Variants in PPEF2 observed in about 807,000 individuals in gnomAD.
PPEF2 encodes protein phosphatase with EF-hand domain 2, also known as serine/threonine-protein phosphatase with EF-hands 2.
A neutral mutation model predicts 84.7 loss-of-function variants in PPEF2; 84 were observed. The observed-to-expected ratio is 0.99, with a 90% confidence interval of 0.83 to 1.19. The LOEUF (loss-of-function observed/expected upper bound fraction) is 1.19. PPEF2 is among the 50% of genes most tolerant of loss of function. The pLI, the probability that PPEF2 is intolerant of heterozygous loss-of-function variation, is 0.00. For synonymous variants in PPEF2, 346 were observed against 345.2 expected (o/e 1.00, Z -0.03); for missense variants, 924 against 937.5 (o/e 0.99, Z 0.19).
At chr4:75,878,329 G>A (rs1290748282) in intron 10 of PPEF2, among the ~76,000 whole-genome samples, 4 of 152,224 alleles carry the variant, frequency 2.6e-5, no homozygotes, top group Non-Finnish European at 5.9e-5. Flanking sequence ...AAAAGAGAGA[G>A]CAGCCATTCC....
intron 1 of PPEF2, among the ~76,000 whole-genome samples, chr4:75,898,127 C>CT (rs1264603239): frequency 1.3e-5 from 2 of 152,238 alleles, no homozygotes; most frequent in Non-Finnish European, 1.5e-5. Context: ...ATCACTCATG[C>CT]TATTGTTTGT....
At chr4:75,901,625 G>T (rs1725122654) in intron 1 of PPEF2, among the ~76,000 whole-genome samples, 2 of 152,150 alleles carry the variant, frequency 1.3e-5, no homozygotes, top group African/African-American at 2.4e-5. Context: ...AAACGAGCTT[G>T]AGGGAGCCCG....
chr4:75,890,488 C>CAAAAAAAAAAAAA (rs10710879), intron 4 of PPEF2, among the ~76,000 whole-genome samples: 2 of 124,598 alleles, frequency 1.6e-5, no homozygotes, highest in Non-Finnish European at 3.4e-5. Context: ...GACCCTGTCT[C>CAAAAAAAAAAAAA]AAAAAAAAAA....
At chr4:75,892,840 T>C (rs985669093) in intron 2 of PPEF2, among the ~76,000 whole-genome samples, 1 of 152,230 alleles carries the variant, frequency 6.6e-6, no homozygotes, top group African/African-American at 2.4e-5. Context: ...AGATTCTTTT[T>C]AAGCTCCAAG....
Position 75,888,252 on chromosome 4 carries a change from C to G in PPEF2, c.494G>C (p.Arg165Pro), listed in dbSNP as rs776230192. Residue 165 changes from arginine (R) to proline (P), a missense_variant, in exon 6 of 17, where the codon CGG becomes CCG. Transcript: ENST00000286719. ...CTCCTCACTGTAACAGGTTGAGACCCGGTTGATGTTTGGCAGCTGTACCAG... is the reference window on the plus strand; with the variant it reads ...CTCCTCACTGTAACAGGTTGAGACCGGGTTGATGTTTGGCAGCTGTACCAG... Reference protein sequence around the residue: ...KHLVQLPNINRVSTCYSEEIT... With the variant: ...KHLVQLPNINPVSTCYSEEIT... 6.2e-7 allele frequency: 1 copy of G among 1,613,834 alleles called. No homozygotes were observed. The highest frequency in any genetic ancestry group is 2.2e-5 in the East Asian group (1 of 44,894).
At chr4:75,873,422 A>C in intron 11 of PPEF2, 110 bp from the exon 12 acceptor site, 1 of 1,034,000 alleles carries the variant, frequency 9.7e-7, no homozygotes, top group Admixed American at 2.9e-5. Context: ...AAAATAAGTG[A>C]ATAAATGTCC....
intron 1 of PPEF2, among the ~76,000 whole-genome samples, chr4:75,898,960 TCTATCTAACTG>T (rs1725065427): frequency 6.6e-6 from 1 of 152,194 alleles, no homozygotes; most frequent in South Asian, 2.1e-4. Flanking sequence ...ACTTATTCCT[TCTATCTAACTG>T]TAACATTGTA....
At chr4:75,880,272 T>C (rs185198073) in intron 10 of PPEF2, among the ~76,000 whole-genome samples, 2 of 152,316 alleles carry the variant, frequency 1.3e-5, no homozygotes, top group Admixed American at 6.5e-5. Context: ...TTAACCACCA[T>C]ACCACTCCTA....
intron 10 of PPEF2, chr4:75,881,410 T>A (rs560101261): frequency 6.6e-6 from 1 of 152,108 alleles, no homozygotes; most frequent in Non-Finnish European, 1.5e-5. Flanking sequence ...CTACAAATAA[T>A]TTTTTAAAAA....
At position 75,888,089 on chromosome 4, in the gene PPEF2, T is replaced by C. The variant is rs370095820; in HGVS notation, c.532+125A>G. ...GGAGTGAATATGCAAATTGTGGACC[T>C]GAAGGGGTTAAATTTGGCTTATCAT... On this transcript the variant is annotated intron_variant, in intron 6 of 16. Coordinates refer to ENST00000286719, the MANE Select transcript of PPEF2 (RefSeq NM_006239.3). The C allele has an allele frequency of 1.4e-4, 98 of 712,422 alleles. 1 individual carries two copies. The East Asian group carries it at 1.9e-3, about 14-fold the overall frequency. 44.1% of individuals were successfully genotyped at this position (712,422 alleles called of 1,614,324 possible). A position where few individuals can be genotyped will look rare whatever the true frequency, so the allele number is the denominator to read the frequency against.
intron 16 of PPEF2, among the ~76,000 whole-genome samples, chr4:75,862,712 A>G (rs1724036638): frequency 6.6e-6 from 1 of 152,220 alleles, no homozygotes; most frequent in South Asian, 2.1e-4. Context: ...CAATATAAAT[A>G]TGTACAGCTA....
At chr4:75,890,417 A>T (rs986988378) in intron 4 of PPEF2, among the ~76,000 whole-genome samples, 3 of 149,376 alleles carry the variant, frequency 2.0e-5, no homozygotes, top group Non-Finnish European at 4.4e-5. Context: ...TAAGCCTGGG[A>T]TGCAGAGGTT....
Position 75,896,450 on chromosome 4 carries a change from T to C in PPEF2, c.-58-67A>G, listed in dbSNP as rs996044676. The C allele has an allele frequency of 6.0e-5, 59 of 984,954 alleles. 1 individual carries two copies. Among genetic ancestry groups the C allele is most frequent in the African/African-American group, 3.3e-4 (21 of 62,810 alleles). 61.0% of individuals were successfully genotyped at this position (984,954 alleles called of 1,614,324 possible). On this transcript the variant is annotated intron_variant, in intron 1 of 16. Coordinates refer to ENST00000286719, the MANE Select transcript of PPEF2 (RefSeq NM_006239.3). ...AGAGTATTAAATCGGGTGGGCCAAA[T>C]TGTCTATGAATCATGTGAGAGTATC...
intron 5 of PPEF2, among the ~76,000 whole-genome samples, chr4:75,889,379 A>G (rs1724820103): frequency 6.6e-6 from 1 of 152,050 alleles, no homozygotes; most frequent in Admixed American, 6.6e-5. Flanking sequence ...AGTCCAGGCA[A>G]GTTTCTGCTT....
chr4:75,871,071 C>T (rs887324341), intron 13 of PPEF2, among the ~76,000 whole-genome samples: 1 of 151,952 alleles, frequency 6.6e-6, no homozygotes, highest in African/African-American at 2.4e-5. Flanking sequence ...GCGTGTACCA[C>T]CACGCCTGGC....
intron 5 of PPEF2, 91 bp from the exon 6 acceptor site, chr4:75,888,419 C>T: frequency 1.1e-6 from 1 of 874,540 alleles, no homozygotes; most frequent in South Asian, 1.5e-5. Context: ...CAACCCCCAT[C>T]ACCTAAGACC....
chr4:75,892,357 G>A (rs1578015742), intron 2 of PPEF2, among the ~76,000 whole-genome samples: 2 of 152,100 alleles, frequency 1.3e-5, no homozygotes, highest in East Asian at 3.9e-4. Flanking sequence ...TAATGCGGGG[G>A]TGGGGTGGAC....
chr4:75,897,451 C>T (rs1377867857), intron 1 of PPEF2, among the ~76,000 whole-genome samples: 2 of 152,154 alleles, frequency 1.3e-5, no homozygotes, highest in Non-Finnish European at 2.9e-5. Flanking sequence ...ATTCAGCTCC[C>T]TGCTAAACAC....
Position 75,884,729 on chromosome 4 carries a change from A to G in PPEF2, c.611T>C (p.Val204Ala), listed in dbSNP as rs1210815726. 6.2e-7 allele frequency: 1 copy of G among 1,605,592 alleles called. No homozygotes were observed. Among genetic ancestry groups the G allele is most frequent in the East Asian group, 2.2e-5 (1 of 44,824 alleles). Residue 204 changes from valine (V) to alanine (A), a missense_variant, in exon 8 of 17, where the codon GTG becomes GCG. Coordinates refer to ENST00000286719, the MANE Select transcript of PPEF2 (RefSeq NM_006239.3). Reference sequence around the variant, plus strand: ...TCGATCCACAAAGTCACCGTTGAACACATATGACCGTTCTGGCGACGGGAG... The same window carrying G: ...TCGATCCACAAAGTCACCGTTGAACGCATATGACCGTTCTGGCGACGGGAG... Reference protein sequence around the residue: ...NGLPSPERSYVFNGDFVDRGK... With the variant: ...NGLPSPERSYAFNGDFVDRGK...
Sources: gnomAD v4.1 joint callset for allele counts (sites outside exome capture counted in the v4.1 genomes callset) on GRCh38, gnomAD v4.1.1 for gene constraint, MANE v1.5 for transcripts, NCBI Gene and HGNC (gene_info 2026-07-23, HGNC 2026-07-21) for gene names.